Variants in CADM2 observed in about 807,000 individuals in gnomAD.
CADM2 encodes immunoglobulin superfamily member 4D.
CADM2 carries 12 observed loss-of-function variants against 49.8 expected under a neutral mutation model. The observed-to-expected ratio is 0.24, with a 90% CI of 0.15 to 0.39. CADM2 has a LOEUF of 0.39. Among genes scored for constraint, CADM2 ranks in the 10% least tolerant of loss-of-function variants. The probability of loss-of-function intolerance (pLI) is 1.00; values close to 1 mark genes in which losing one functional copy is unlikely to be tolerated. For missense variants in CADM2, 378 were observed against 492.3 expected, an observed-to-expected ratio of 0.77 and a Z score of 2.20; for synonymous variants, 214 against 175.4, an observed-to-expected ratio of 1.22 and a Z score of -1.74.
intron 2 of CADM2, among the ~76,000 whole-genome samples, chr3:85,753,248 G>A (rs541465941): frequency 6.6e-6 from 1 of 152,026 alleles, no homozygotes; most frequent in Non-Finnish European, 1.5e-5. Context: ...CGGAAAGACA[G>A]TCCTGGCTTT....
intron 1 of CADM2, among the ~76,000 whole-genome samples, chr3:85,550,538 A>G (rs1441160507): frequency 1.3e-5 from 2 of 152,150 alleles, no homozygotes; most frequent in African/African-American, 2.4e-5. Context: ...GTACACTCTC[A>G]AGTTTGGGAA....
intron 1 of CADM2, among the ~76,000 whole-genome samples, chr3:85,337,960 G>A (rs1304120354): frequency 6.6e-6 from 1 of 151,622 alleles, no homozygotes; most frequent in Non-Finnish European, 1.5e-5. Flanking sequence ...TACATTTACA[G>A]TGTTTGAAAC....
chr3:85,105,587 T>C (rs2038188472), intron 1 of CADM2, among the ~76,000 whole-genome samples: 1 of 152,156 alleles, frequency 6.6e-6, no homozygotes, highest in Non-Finnish European at 1.5e-5. Context: ...AGCCATCCCA[T>C]TACTGGGTAT....
intron 1 of CADM2, among the ~76,000 whole-genome samples, chr3:85,712,467 CAG>C (rs1378441611): frequency 2.5e-4 from 38 of 152,278 alleles, no homozygotes; most frequent in African/African-American, 8.7e-4. Context: ...ATCTTTTAAA[CAG>C]AGTCAGTAAT....
chr3:85,344,203 A>G (rs903645185), intron 1 of CADM2, among the ~76,000 whole-genome samples: 11 of 150,878 alleles, frequency 7.3e-5, no homozygotes, highest in Middle Eastern at 3.4e-3. Context: ...GTGAAACCCC[A>G]TCTCTACTAA....
intron 1 of CADM2, among the ~76,000 whole-genome samples, chr3:85,597,422 A>G (rs541546156): frequency 6.6e-6 from 1 of 152,226 alleles, no homozygotes; most frequent in African/African-American, 2.4e-5. Context: ...TGTAATGTGC[A>G]TATTTATCTC....
At chr3:86,005,871 G>A (rs1191988687) in intron 8 of CADM2, among the ~76,000 whole-genome samples, 3 of 151,960 alleles carry the variant, frequency 2.0e-5, no homozygotes, top group African/African-American at 4.8e-5. Flanking sequence ...CCCCCGACAG[G>A]ACCCTTCCCA....
intron 1 of CADM2, among the ~76,000 whole-genome samples, chr3:85,506,847 G>A (rs1291134836): frequency 6.6e-6 from 1 of 152,032 alleles, no homozygotes; most frequent in Non-Finnish European, 1.5e-5. Context: ...TTTATTAAAA[G>A]TAAAATTATC....
chr3:85,361,333 G>T, intron 1 of CADM2, among the ~76,000 whole-genome samples: 1 of 152,096 alleles, frequency 6.6e-6, no homozygotes, highest in East Asian at 1.9e-4. Flanking sequence ...CTAGAAATTG[G>T]TTGGCAGTTT....
rs1731850184 is a variant in CADM2 at position 86,013,811 on chromosome 3, T to C, written c.971-51794T>C. The C allele has an allele frequency of 1.9e-6, 3 of 1,589,838 alleles. No individual in the cohort carries two copies. The Admixed American group carries it at 5.0e-5, about 27-fold the overall frequency. ...AGAAGTGGGGATTAAATATGAAGCA[T>C]TGTCGTGGTCAGGCTTACATTGTGT... On this transcript the variant is annotated intron_variant, in intron 8 of 9. Coordinates refer to ENST00000383699, the MANE Select transcript of CADM2 (RefSeq NM_001167675.2).
intron 3 of CADM2, among the ~76,000 whole-genome samples, chr3:85,867,889 C>A (rs771640013): frequency 6.6e-6 from 1 of 151,962 alleles, no homozygotes; most frequent in African/African-American, 2.4e-5. Flanking sequence ...CATCTATTTC[C>A]ACCTTGCCTT....
At chr3:86,011,613 G>A (rs778030451) in intron 8 of CADM2, among the ~76,000 whole-genome samples, 1 of 152,070 alleles carries the variant, frequency 6.6e-6, no homozygotes, top group Non-Finnish European at 1.5e-5. Flanking sequence ...GAAAAAGGAA[G>A]AGCAATAGTA....
chr3:85,550,951 GA>G (rs2061787159), intron 1 of CADM2, among the ~76,000 whole-genome samples: 1 of 150,204 alleles, frequency 6.7e-6, no homozygotes, highest in Non-Finnish European at 1.5e-5. Context: ...TTCAGTCATT[GA>G]TTTTAATTTA....
At chr3:85,768,337 T>G (rs2107931514) in intron 2 of CADM2, among the ~76,000 whole-genome samples, 1 of 151,822 alleles carries the variant, frequency 6.6e-6, no homozygotes, top group East Asian at 1.9e-4. Context: ...TCCCAGCTAC[T>G]TGGGAGGCTG....
intron 6 of CADM2, among the ~76,000 whole-genome samples, chr3:85,925,758 A>T (rs995779089): frequency 7.9e-5 from 12 of 152,174 alleles, no homozygotes; most frequent in African/African-American, 2.9e-4. Context: ...AGCAATTCGT[A>T]TCAATGCATA....
At chr3:85,646,176 TCTATAAG>T (rs1419992548) in intron 1 of CADM2, among the ~76,000 whole-genome samples, 1 of 151,988 alleles carries the variant, frequency 6.6e-6, no homozygotes, top group African/African-American at 2.4e-5. Flanking sequence ...ATACAGCATT[TCTATAAG>T]CTTCCATAGC....
chr3:86,062,492 G>C (rs542622440), intron 8 of CADM2, among the ~76,000 whole-genome samples: 41 of 151,950 alleles, frequency 2.7e-4, no homozygotes, highest in African/African-American at 9.2e-4. Flanking sequence ...AAGGTGTATT[G>C]TTAGGCTGGG....
At chr3:85,756,517 G>A (rs184701273) in intron 2 of CADM2, among the ~76,000 whole-genome samples, 1 of 152,186 alleles carries the variant, frequency 6.6e-6, no homozygotes, top group Non-Finnish European at 1.5e-5. Flanking sequence ...TTACTGCATG[G>A]TACAATGGGA....
chr3:85,769,495 ACATATAT>A (rs1273120472), intron 2 of CADM2, among the ~76,000 whole-genome samples: 2 of 63,352 alleles, frequency 3.2e-5, no homozygotes, highest in Non-Finnish European at 5.8e-5. Context: ...ATACATATAT[ACATATAT>A]GTATATATAC....
Sources: allele counts gnomAD v4.1 joint callset (sites outside exome capture counted in the v4.1 genomes callset), GRCh38; gene constraint gnomAD v4.1.1; transcripts MANE v1.5; gene names NCBI Gene and HGNC (gene_info 2026-07-23, HGNC 2026-07-21).